The following CLASP2 variants were observed in gnomAD, a reference collection of about 807,000 sequenced individuals.
The protein encoded by CLASP2 is cytoplasmic linker associated protein 2, also known as CLIP-associating protein 2.
Under a neutral mutation model 194.4 loss-of-function variants are expected in CLASP2, and 47 were observed. That is an observed-to-expected ratio of 0.24 (90% CI 0.19 to 0.31). CLASP2 has a LOEUF of 0.31. Ranked by LOEUF, CLASP2 falls within the 10% of genes least tolerant of loss-of-function variation. The probability of loss-of-function intolerance (pLI) is 1.00; values close to 1 mark genes in which losing one functional copy is unlikely to be tolerated. For missense variants in CLASP2, 1,445 were observed against 1,823.6 expected (o/e 0.79, Z 3.78); for synonymous variants, 619 against 633.5 (o/e 0.98, Z 0.34).
chr3:33,708,536 G>GTA (rs1559703667), intron 1 of CLASP2, among the ~76,000 whole-genome samples: 4 of 12,810 alleles, frequency 3.1e-4, no homozygotes, highest in African/African-American at 1.4e-3. Context: ...ATATATATAT[G>GTA]TATATATGTA....
At chr3:33,641,206 T>C (rs953824041) in intron 8 of CLASP2, among the ~76,000 whole-genome samples, 9 of 152,062 alleles carry the variant, frequency 5.9e-5, no homozygotes, top group South Asian at 2.1e-4. Context: ...CATTAAAGAA[T>C]TGTATTAAAA....
At chr3:33,580,555 T>A (rs555935970) in intron 23 of CLASP2, among the ~76,000 whole-genome samples, 1 of 151,840 alleles carries the variant, frequency 6.6e-6, no homozygotes, top group Non-Finnish European at 1.5e-5. Flanking sequence ...AGAGTGAGAC[T>A]CCACCTCAAA....
chr3:33,547,022 T>A (rs1359374845), intron 30 of CLASP2, among the ~76,000 whole-genome samples: 1 of 152,202 alleles, frequency 6.6e-6, no homozygotes, highest in African/African-American at 2.4e-5. Flanking sequence ...ATTATGTGGT[T>A]TTTGTATTTT....
chr3:33,655,545 ACTT>A (rs2084006846), intron 7 of CLASP2, among the ~76,000 whole-genome samples: 1 of 152,050 alleles, frequency 6.6e-6, no homozygotes, highest in African/African-American at 2.4e-5. Context: ...CACCTTATAG[ACTT>A]CTTTTCCCTC....
At chr3:33,506,363 G>A (rs1291346219) in intron 37 of CLASP2, among the ~76,000 whole-genome samples, 1 of 97,510 alleles carries the variant, frequency 1.0e-5, no homozygotes, top group Non-Finnish European at 1.7e-5. Context: ...GGGTGACAGA[G>A]TGAGACTCTG....
chr3:33,690,818 T>C (rs2091267626), intron 2 of CLASP2, among the ~76,000 whole-genome samples: 1 of 152,200 alleles, frequency 6.6e-6, no homozygotes, highest in South Asian at 2.1e-4. Context: ...TATTAGTCCC[T>C]TAGTAGCTGT....
At chr3:33,660,603 G>C (rs1295691295) in intron 7 of CLASP2, among the ~76,000 whole-genome samples, 1 of 152,080 alleles carries the variant, frequency 6.6e-6, no homozygotes, top group East Asian at 1.9e-4. Flanking sequence ...TTCAGGCAAA[G>C]ACACACCAAA....
chr3:33,704,625 C>T lies in CLASP2; in HGVS notation c.196-7692G>A, dbSNP rs112572094. Among the ~76,000 whole-genome samples, 1,131 of 151,998 alleles carry T rather than the reference C, an allele frequency of 7.4e-3. 14 individuals are homozygous for T. The highest frequency in any genetic ancestry group is 0.025 in the African/African-American group (1,056 of 41,462). ...AAAATTAGCTGGGCATGGTGGCACG[C>T]GCCTGTAGTCCCAGCTACTTGGGAG... On this transcript the variant is annotated intron_variant, in intron 1 of 38. Coordinates refer to ENST00000682230, the MANE Select transcript of CLASP2 (RefSeq NM_001365631.1).
chr3:33,611,972 C>CAAA, intron 13 of CLASP2, 29 bp downstream of exon 13: 1 of 1,460,708 alleles, frequency 6.8e-7, no homozygotes, highest in East Asian at 2.3e-5. Context: ...GCTATACTAA[C>CAAA]AACAACAACA....
At chr3:33,680,645 C>CA (rs2089659232) in intron 6 of CLASP2, among the ~76,000 whole-genome samples, 2 of 151,790 alleles carry the variant, frequency 1.3e-5, no homozygotes, top group South Asian at 2.1e-4. Flanking sequence ...CCTGTCTCTA[C>CA]AAAAAAATTT....
At chr3:33,625,686 T>C (rs1257799332) in intron 10 of CLASP2, among the ~76,000 whole-genome samples, 3 of 152,034 alleles carry the variant, frequency 2.0e-5, no homozygotes, top group Non-Finnish European at 4.4e-5. Context: ...TTTTATTTTT[T>C]TTAGAGATAG....
At chr3:33,703,604 A>G (rs1459667046) in intron 1 of CLASP2, among the ~76,000 whole-genome samples, 4 of 152,222 alleles carry the variant, frequency 2.6e-5, no homozygotes, top group African/African-American at 9.6e-5. Flanking sequence ...TATTTAGCCA[A>G]AGGAGTTGAA....
intron 37 of CLASP2, among the ~76,000 whole-genome samples, chr3:33,508,201 T>C (rs528404131): frequency 5.9e-5 from 9 of 152,250 alleles, no homozygotes; most frequent in Non-Finnish European, 1.2e-4. Flanking sequence ...AATTTTTTTG[T>C]AGAGACGAGG....
chr3:33,558,298 C>T (rs1337635895), intron 29 of CLASP2: 2 of 152,206 alleles, frequency 1.3e-5, no homozygotes, highest in African/African-American at 4.8e-5. Context: ...TTGTCTCAGA[C>T]ACTTTTCGGT....
intron 9 of CLASP2, among the ~76,000 whole-genome samples, chr3:33,628,008 G>C (rs1205873022): frequency 1.3e-5 from 2 of 152,118 alleles, no homozygotes; most frequent in Non-Finnish European, 2.9e-5. Context: ...TAACCATATT[G>C]TTGACCATGG....
intron 6 of CLASP2, among the ~76,000 whole-genome samples, chr3:33,664,839 C>T (rs2085905054): frequency 6.6e-6 from 1 of 151,768 alleles, no homozygotes; most frequent in Non-Finnish European, 1.5e-5. Flanking sequence ...GTGGCTCATG[C>T]CTATAATCCC....
chr3:33,626,969 A>C lies in CLASP2; in HGVS notation c.1035+19T>G. ...ATCAATAAAGAAAGAAGATAAGAAAATTAAAGACAAAAACTTACTGCATTG... is the reference window on the plus strand; with the variant it reads ...ATCAATAAAGAAAGAAGATAAGAAACTTAAAGACAAAAACTTACTGCATTG... On this transcript the variant is annotated intron_variant, in intron 10 of 38. Transcript: ENST00000682230. 1.4e-6 allele frequency: 2 copies of C among 1,457,172 alleles called. No homozygotes were observed. The highest frequency in any genetic ancestry group is 1.9e-6 in the Non-Finnish European group (2 of 1,065,590). 90.3% of individuals were successfully genotyped at this position (1,457,172 alleles called of 1,614,324 possible).
chr3:33,556,088 G>T, intron 29 of CLASP2, among the ~76,000 whole-genome samples: 1 of 152,092 alleles, frequency 6.6e-6, no homozygotes, highest in Non-Finnish European at 1.5e-5. Flanking sequence ...CAGAAAAAGA[G>T]GTCAGCAAAG....
chr3:33,591,810 T>A (rs910413173), intron 21 of CLASP2, among the ~76,000 whole-genome samples: 1 of 152,216 alleles, frequency 6.6e-6, no homozygotes, highest in Non-Finnish European at 1.5e-5. Flanking sequence ...TTTCAAATTA[T>A]GTTTCCTCAC....
Sources: gnomAD v4.1 joint callset for allele counts (sites outside exome capture counted in the v4.1 genomes callset) on GRCh38, gnomAD v4.1.1 for gene constraint, MANE v1.5 for transcripts, NCBI Gene and HGNC (gene_info 2026-07-23, HGNC 2026-07-21) for gene names.